Variants in EDA observed in about 807,000 individuals in gnomAD.
The protein encoded by EDA is ectodysplasin A, also known as ectodysplasin-A.
Under a neutral mutation model 23.6 loss-of-function variants are expected in EDA, and 2 were observed. The observed-to-expected ratio is 0.08, with a 90% CI of 0.03 to 0.27. EDA has a LOEUF of 0.27. Ranked by LOEUF, EDA falls within the 10% of genes least tolerant of loss-of-function variation. EDA has a pLI of 1.00. For synonymous variants in EDA, 131 were observed against 132.0 expected, an observed-to-expected ratio of 0.99 and a Z score of 0.05; for missense variants, 229 against 324.2, an observed-to-expected ratio of 0.71 and a Z score of 2.26.
intron 1 of EDA, among the ~76,000 whole-genome samples, chrX:69,918,787 A>C (rs944631879): frequency 9.0e-6 from 1 of 111,575 alleles, no homozygotes; most frequent in Non-Finnish European, 1.9e-5. Context: ...TTCACTATAA[A>C]TAAATTTATT....
chrX:69,809,601 C>T (rs1000986356), intron 1 of EDA, among the ~76,000 whole-genome samples: 1 of 111,460 alleles, frequency 9.0e-6, no homozygotes, highest in Non-Finnish European at 1.9e-5. Flanking sequence ...TGAGGCATAC[C>T]TGTTTGTCCT....
intron 1 of EDA, among the ~76,000 whole-genome samples, chrX:69,689,420 C>T (rs1447782486): frequency 1.8e-5 from 2 of 108,595 alleles, no homozygotes; most frequent in Non-Finnish European, 3.8e-5. Context: ...CTCAGCCTCC[C>T]GAGTAGCTGG....
rs1569407531 is a variant in EDA, at chrX:70,035,676, C to G, written c.*67C>G. The G allele has an allele frequency of 8.7e-7, 1 of 1,153,292 alleles. No individual in the cohort carries two copies. Among genetic ancestry groups the G allele is most frequent in the Non-Finnish European group, 1.2e-6 (1 of 848,367 alleles). The stretch of plus-strand genomic sequence containing the variant: ...TTGGGAGCCAGGACTCCCAGAACCT[C>G]TAAGTGCTGCTGTGGAGTGAGGTGT... On this transcript the variant is annotated 3_prime_UTR_variant, in exon 8 of 8. Coordinates refer to ENST00000374552, the MANE Select transcript of EDA (RefSeq NM_001399.5).
intron 2 of EDA, among the ~76,000 whole-genome samples, chrX:70,014,849 T>C (rs1206110766): frequency 9.0e-6 from 1 of 110,917 alleles, no homozygotes; most frequent in East Asian, 2.8e-4. Flanking sequence ...ACTAAATCAG[T>C]CAGACAAAAA....
At chrX:69,943,214 G>T (rs1365672717) in intron 1 of EDA, among the ~76,000 whole-genome samples, 1 of 111,283 alleles carries the variant, frequency 9.0e-6, no homozygotes, top group Non-Finnish European at 1.9e-5. Context: ...AGTTCATTTG[G>T]TAAGGTCTTG....
chrX:69,754,395 C>T (rs1302186670), intron 1 of EDA, among the ~76,000 whole-genome samples: 2 of 111,926 alleles, frequency 1.8e-5, no homozygotes, highest in Non-Finnish European at 3.8e-5. Context: ...TATTGGCCCC[C>T]ACTCTCTTCT....
At chrX:69,633,523 TC>T (rs1338855301) in intron 1 of EDA, among the ~76,000 whole-genome samples, 1 of 111,771 alleles carries the variant, frequency 8.9e-6, no homozygotes, top group African/African-American at 3.2e-5. Flanking sequence ...ATTCCTCCTT[TC>T]CCCCATCCTC....
chrX:69,839,697 T>A (rs1416449375), intron 1 of EDA, among the ~76,000 whole-genome samples: 1 of 111,796 alleles, frequency 8.9e-6, no homozygotes, highest in Non-Finnish European at 1.9e-5. Flanking sequence ...TGAAAACCTG[T>A]GTGTGATTGA....
intron 2 of EDA, among the ~76,000 whole-genome samples, chrX:69,977,724 T>G (rs2019337355): frequency 8.9e-6 from 1 of 112,092 alleles, no homozygotes; most frequent in Non-Finnish European, 1.9e-5. Flanking sequence ...AAATGTGTCC[T>G]GTTTATGGAG....
chrX:69,856,255 GT>G lies in EDA; in HGVS notation c.397-100771del, dbSNP rs2017247564. 6.9e-3 allele frequency among the ~76,000 whole-genome samples: 56 copies of G among 8,068 alleles called. 1 individual carries two copies. The highest frequency in any genetic ancestry group is 0.016 in the Non-Finnish European group (47 of 2,919). The allele number at this position is 8,068 out of a possible 115,157, so 7.0% of individuals were successfully genotyped here. On this transcript the variant is annotated intron_variant, in intron 1 of 7. Transcript: ENST00000374552. ...TTTTATGGCTGAGTAGTATTCCATGGTGTGTGTGTGTGTGTGTGTGTGTGTG... is the reference window on the plus strand; with the variant it reads ...TTTTATGGCTGAGTAGTATTCCATGGGTGTGTGTGTGTGTGTGTGTGTGTG...
At position 70,023,478 on chromosome X, in the gene EDA, C is replaced by CTTTTTTTTTTTTT. The variant is rs754981946; in HGVS notation, c.526+253_526+265dup. On this transcript the variant is annotated intron_variant, in intron 3 of 7. Coordinates refer to ENST00000374552, the MANE Select transcript of EDA (RefSeq NM_001399.5). ...TCTTCTCCCTGCCCTTCTTTTTATT[C>CTTTTTTTTTTTTT]TTTTTTTTTTTTTTTTTTTTTTTTT... 3.3e-3 allele frequency among the ~76,000 whole-genome samples: 111 copies of CTTTTTTTTTTTTT among 33,494 alleles called. 8 individuals are homozygous for CTTTTTTTTTTTTT. The highest frequency in any genetic ancestry group is 5.2e-3 in the African/African-American group (37 of 7,161). 29.1% of individuals were successfully genotyped at this position (33,494 alleles called of 115,157 possible).
chrX:69,716,728 G>A lies in EDA; in HGVS notation c.396+100024G>A, dbSNP rs746675229. On this transcript the variant is annotated intron_variant, in intron 1 of 7. Transcript: ENST00000374552. ...GCATGGAATGGTTTTACATTTGTTT[G>A]TGTCTTTCCTGATGTCTTTGAGCAG... 2.5e-4 allele frequency among the ~76,000 whole-genome samples: 28 copies of A among 111,451 alleles called. 1 individual carries two copies. The highest frequency in any genetic ancestry group is 9.1e-4 in the African/African-American group (28 of 30,657).
intron 1 of EDA, among the ~76,000 whole-genome samples, chrX:69,839,913 A>G (rs2016860277): frequency 8.9e-6 from 1 of 112,508 alleles, no homozygotes; most frequent in Admixed American, 9.4e-5. Context: ...TATATTAACA[A>G]GTGTTATGAA....
chrX:69,832,970 T>A (rs1172751621), intron 1 of EDA, among the ~76,000 whole-genome samples: 3 of 110,465 alleles, frequency 2.7e-5, no homozygotes, highest in East Asian at 2.9e-4. Context: ...AAATATACAA[T>A]CATGTCATCT....
At chrX:69,756,111 C>T (rs1381217179) in intron 1 of EDA, among the ~76,000 whole-genome samples, 1 of 112,276 alleles carries the variant, frequency 8.9e-6, no homozygotes, top group Non-Finnish European at 1.9e-5. Context: ...ATGCAGAAAT[C>T]ACCCCTCCTC....
At chrX:69,924,406 A>G (rs1299284376) in intron 1 of EDA, among the ~76,000 whole-genome samples, 1 of 5,521 alleles carries the variant, frequency 1.8e-4, no homozygotes, top group Non-Finnish European at 3.8e-3. Context: ...CTCTCAACAC[A>G]ATTTATCCCA....
intron 1 of EDA, among the ~76,000 whole-genome samples, chrX:69,885,013 T>A (rs2147624134): frequency 8.9e-6 from 1 of 112,176 alleles, no homozygotes; most frequent in East Asian, 2.8e-4. Context: ...ATAACCACCC[T>A]AATGGATATA....
intron 1 of EDA, among the ~76,000 whole-genome samples, chrX:69,911,400 T>C (rs2018264460): frequency 8.9e-6 from 1 of 112,313 alleles, no homozygotes; most frequent in Non-Finnish European, 1.9e-5. Flanking sequence ...CTATCTGAGT[T>C]CTACACACTC....
intron 1 of EDA, among the ~76,000 whole-genome samples, chrX:69,847,843 A>G (rs2017040827): frequency 9.0e-6 from 1 of 111,646 alleles, no homozygotes; most frequent in African/African-American, 3.3e-5. Context: ...GGGTCATATG[A>G]TAATGTGATA....
Sources: allele counts gnomAD v4.1 joint callset (sites outside exome capture counted in the v4.1 genomes callset), GRCh38; gene constraint gnomAD v4.1.1; transcripts MANE v1.5; gene names NCBI Gene and HGNC (gene_info 2026-07-23, HGNC 2026-07-21).